Variants in ATP8A1 observed in about 807,000 individuals in gnomAD.
ATP8A1 encodes the protein ATPase phospholipid transporting 8A1.
ATP8A1 carries 90 observed loss-of-function variants against 177.7 expected under a neutral mutation model. The observed-to-expected ratio is 0.51, with a 90% CI of 0.43 to 0.60. The LOEUF (loss-of-function observed/expected upper bound fraction) is 0.60, where lower values mean the gene tolerates loss of function less well. Ranked by LOEUF, ATP8A1 falls within the 20% of genes least tolerant of loss-of-function variation. The pLI is 0.00. For synonymous variants in ATP8A1, 493 were observed against 485.9 expected (o/e 1.01, Z -0.19); for missense variants, 1,072 against 1,392.8 (o/e 0.77, Z 3.67).
At chr4:42,655,847 C>T (rs1272040648) in intron 1 of ATP8A1, among the ~76,000 whole-genome samples, 1 of 152,190 alleles carries the variant, frequency 6.6e-6, no homozygotes, top group Non-Finnish European at 1.5e-5. Context: ...ACCTGTCTCA[C>T]ATTAAAAGAT....
chr4:42,632,835 C>G (rs1476971464), intron 1 of ATP8A1, among the ~76,000 whole-genome samples: 1 of 152,214 alleles, frequency 6.6e-6, no homozygotes, highest in Admixed American at 6.5e-5. Flanking sequence ...GCACAAACCA[C>G]TTCATCCCTG....
In ATP8A1 at chr4:42,625,722, C is replaced by G; in HGVS notation, c.165-9G>C. On this transcript the variant is annotated splice_polypyrimidine_tract_variant and intron_variant, in intron 2 of 36. Transcript: ENST00000381668. The stretch of plus-strand genomic sequence containing the variant: ...TGTTGTATTTTGCAGTGCTAGAAAA[C>G]AAAAATGAAAAGTAGCATAAAACTT... 1 of 1,545,016 alleles carries G rather than the reference C, an allele frequency of 6.5e-7. No homozygotes were observed. The highest frequency in any genetic ancestry group is 1.2e-5 in the South Asian group (1 of 83,432).
intron 27 of ATP8A1, 60 bp downstream of exon 27, chr4:42,464,630 A>C (rs984179951): frequency 1.0e-6 from 1 of 997,854 alleles, no homozygotes; most frequent in African/African-American, 1.6e-5. Context: ...GTCTCCATAA[A>C]GAAAATTTCT....
chr4:42,431,017 G>A (rs898850749), intron 33 of ATP8A1, among the ~76,000 whole-genome samples: 14 of 151,934 alleles, frequency 9.2e-5, no homozygotes, highest in African/African-American at 3.4e-4. Flanking sequence ...CTGTATAATA[G>A]ACTTATGTTT....
At chr4:42,628,807 A>T (rs1738397673) in intron 1 of ATP8A1, among the ~76,000 whole-genome samples, 1 of 152,122 alleles carries the variant, frequency 6.6e-6, no homozygotes, top group Admixed American at 6.6e-5. Context: ...CCGCCTCTGG[A>T]TTAGAGAGAG....
intron 7 of ATP8A1, 173 bp from the exon 8 acceptor site, chr4:42,588,502 C>T: frequency 1.9e-6 from 1 of 531,166 alleles, no homozygotes; most frequent in Admixed American, 3.6e-5. Context: ...AGAACCCATG[C>T]ATGACAACTC....
intron 15 of ATP8A1, among the ~76,000 whole-genome samples, chr4:42,565,150 C>T (rs1391310146): frequency 6.6e-6 from 1 of 152,190 alleles, no homozygotes; most frequent in African/African-American, 2.4e-5. Context: ...ATTGTCCAGT[C>T]TTGGGTATGT....
chr4:42,610,601 G>C (rs1356386193), intron 5 of ATP8A1, among the ~76,000 whole-genome samples: 1 of 146,974 alleles, frequency 6.8e-6, no homozygotes, highest in Admixed American at 6.8e-5. Context: ...AAAAAAAAGT[G>C]AAAGACAACC....
At chr4:42,456,429 AT>A (rs1236900736) in intron 27 of ATP8A1, among the ~76,000 whole-genome samples, 1 of 152,162 alleles carries the variant, frequency 6.6e-6, no homozygotes, top group African/African-American at 2.4e-5. Context: ...TTTAACTTAA[AT>A]TTTATTCATT....
At chr4:42,413,960 C>A (rs1712925343) in intron 36 of ATP8A1, among the ~76,000 whole-genome samples, 1 of 152,272 alleles carries the variant, frequency 6.6e-6, no homozygotes, top group African/African-American at 2.4e-5. Flanking sequence ...AATAAACTCA[C>A]TCACGCCCCG....
At chr4:42,424,031 C>T (rs753617907) in intron 33 of ATP8A1, among the ~76,000 whole-genome samples, 1 of 152,018 alleles carries the variant, frequency 6.6e-6, no homozygotes, top group Non-Finnish European at 1.5e-5. Context: ...ATCATGACTA[C>T]TGTATAATCA....
intron 27 of ATP8A1, among the ~76,000 whole-genome samples, chr4:42,464,057 T>C (rs989411089): frequency 2.0e-5 from 3 of 152,226 alleles, no homozygotes; most frequent in Non-Finnish European, 4.4e-5. Context: ...ATGTGTGTTA[T>C]CCCTCCATGG....
In ATP8A1 at chr4:42,465,002, C is replaced by T; in HGVS notation, c.2399G>A (p.Gly800Asp). 1.9e-6 allele frequency: 3 copies of T among 1,614,168 alleles called. No individual in the cohort carries two copies. The highest frequency in any genetic ancestry group is 2.5e-6 in the Non-Finnish European group (3 of 1,180,022). The change falls in exon 26 of 37, where the codon GGT becomes GAT. Residue 800 changes from glycine (G) to aspartate (D), a missense_variant. Physicochemically the swap from Gly to Asp is moderately conservative, Grantham distance 94. This residue lies in a region of ATP8A1 where 316 missense variants were observed against 459.1 expected (regional missense o/e 0.69). Coordinates refer to ENST00000381668, the MANE Select transcript of ATP8A1 (RefSeq NM_006095.2). ...KQVKVVTLAI[G>D]DGANDVSMIQ... is the part of the protein sequence containing the mutation. ...CATGCTGACATCATTTGCTCCATCACCGATTGCAAGCGTTACGACTTTGAC... is the reference window on the plus strand; with the variant it reads ...CATGCTGACATCATTTGCTCCATCATCGATTGCAAGCGTTACGACTTTGAC...
intron 33 of ATP8A1, among the ~76,000 whole-genome samples, chr4:42,437,297 CA>C (rs1391465717): frequency 6.6e-6 from 1 of 151,972 alleles, no homozygotes; most frequent in African/African-American, 2.4e-5. Context: ...CCTAGAAATT[CA>C]AAAAATACTC....
intron 33 of ATP8A1, among the ~76,000 whole-genome samples, chr4:42,443,219 C>T (rs921422584): frequency 1.3e-5 from 2 of 152,134 alleles, no homozygotes; most frequent in Non-Finnish European, 2.9e-5. Flanking sequence ...CTCACCATTT[C>T]CCCAAATCTT....
intron 6 of ATP8A1, among the ~76,000 whole-genome samples, chr4:42,595,920 C>A (rs922784726): frequency 2.6e-5 from 4 of 152,110 alleles, no homozygotes; most frequent in Non-Finnish European, 4.4e-5. Context: ...TATATGGTAC[C>A]CCAGTGGCCT....
intron 5 of ATP8A1, among the ~76,000 whole-genome samples, chr4:42,608,347 C>T (rs1736024539): frequency 6.6e-6 from 1 of 151,252 alleles, no homozygotes; most frequent in Admixed American, 6.6e-5. Context: ...GGGTGCCCTC[C>T]CCGGGCAATA....
chr4:42,640,949 C>A (rs1739913654), intron 1 of ATP8A1, among the ~76,000 whole-genome samples: 1 of 150,758 alleles, frequency 6.6e-6, no homozygotes, highest in Non-Finnish European at 1.5e-5. Flanking sequence ...CACTCTGAAG[C>A]CACATGCATG....
chr4:42,419,939 G>C (rs890684670), intron 35 of ATP8A1, among the ~76,000 whole-genome samples: 4 of 151,914 alleles, frequency 2.6e-5, no homozygotes, highest in African/African-American at 9.7e-5. Flanking sequence ...GGAGGCAGAG[G>C]TTGCAGTGAG....
Sources: gnomAD v4.1 joint callset for allele counts (sites outside exome capture counted in the v4.1 genomes callset) on GRCh38, gnomAD v4.1.1 for gene constraint, gnomAD v4.1.1 regional missense constraint, MANE v1.5 for transcripts, NCBI Gene and HGNC (gene_info 2026-07-23, HGNC 2026-07-21) for gene names.